RBPJ: variants seen among roughly 807,000 people sequenced by gnomAD.
RBPJ encodes the protein recombining binding protein suppressor of hairless.
A neutral mutation model predicts 67.8 loss-of-function variants in RBPJ; 9 were observed. That is an observed-to-expected ratio of 0.13 (90% CI 0.08 to 0.23). RBPJ has a LOEUF of 0.23. Ranked by LOEUF, RBPJ falls within the 10% of genes least tolerant of loss-of-function variation. The probability of loss-of-function intolerance (pLI) is 1.00; values close to 1 mark genes in which losing one functional copy is unlikely to be tolerated. For synonymous variants in RBPJ, 198 were observed against 203.3 expected (o/e 0.97, Z 0.22); for missense variants, 305 against 595.6 (o/e 0.51, Z 5.08).
the RBPJ span, among the ~76,000 whole-genome samples, chr4:26,153,334 G>A: frequency 6.2e-3 from 943 of 152,332 alleles, 4 homozygotes; most frequent in Middle Eastern, 0.01. Context: ...AAAAAATAGA[G>A]TGTTCAGGGT....
intron 1 of RBPJ, among the ~76,000 whole-genome samples, chr4:26,365,109 T>TTA (rs1483101544): frequency 2.0e-5 from 3 of 150,500 alleles, no homozygotes; most frequent in Non-Finnish European, 2.9e-5. Flanking sequence ...ATATAGATAA[T>TTA]TATATATATA....
intron 1 of RBPJ, among the ~76,000 whole-genome samples, chr4:26,376,701 A>G (rs890745596): frequency 1.3e-5 from 2 of 152,202 alleles, no homozygotes; most frequent in Admixed American, 6.5e-5. Flanking sequence ...TTGAGGAACC[A>G]TACTGTTTTC....
chr4:26,270,872 C>A (rs1402910294), intron 1 of RBPJ, among the ~76,000 whole-genome samples: 1 of 151,968 alleles, frequency 6.6e-6, no homozygotes, highest in Non-Finnish European at 1.5e-5. Flanking sequence ...ATCCGCCTCC[C>A]CCCCACCCTT....
intron 1 of RBPJ, chr4:26,367,902 T>C (rs1385516499): frequency 6.6e-6 from 1 of 152,244 alleles, no homozygotes; most frequent in South Asian, 2.1e-4. Flanking sequence ...AGACTTCTGG[T>C]AAATTGTTTC....
intron 2 of RBPJ, among the ~76,000 whole-genome samples, chr4:26,399,799 C>T (rs971246175): frequency 2.0e-5 from 3 of 152,086 alleles, no homozygotes; most frequent in Non-Finnish European, 4.4e-5. Flanking sequence ...AATTCCCTGC[C>T]TCCTGAGTAG....
At chr4:26,310,571 C>T (rs568877571) in intron 1 of RBPJ, among the ~76,000 whole-genome samples, 28 of 150,074 alleles carry the variant, frequency 1.9e-4, no homozygotes, top group African/African-American at 6.6e-4. Context: ...AATTAAATAA[C>T]AAAAATAATA....
rs1736521518 is a variant in RBPJ, at chr4:26,434,744, T to A, written c.*3737T>A. Reference sequence around the variant, plus strand: ...TCTACGCATTCAGTCCTTAAGGGGTTTATTTTACAAACTGTGCGCCTGTAA... The same window carrying A: ...TCTACGCATTCAGTCCTTAAGGGGTATATTTTACAAACTGTGCGCCTGTAA... On this transcript the variant is annotated 3_prime_UTR_variant, in exon 11 of 11. Coordinates refer to ENST00000355476, the MANE Select transcript of RBPJ (RefSeq NM_015874.6). 6.6e-6 allele frequency: 1 copy of A among 152,234 alleles called. No individual in the cohort carries two copies. Among genetic ancestry groups the A allele is most frequent in the Admixed American group, 6.5e-5 (1 of 15,288 alleles). The allele number at this position is 152,234 out of a possible 1,614,324, so 9.4% of individuals were successfully genotyped here.
intron 1 of RBPJ, among the ~76,000 whole-genome samples, chr4:26,199,310 G>A (rs10005063): frequency 0.54 from 82,448 of 151,996 alleles, 22,669 homozygotes; most frequent in East Asian, 0.69. Context: ...TGGGCATGGT[G>A]GTGTGCGCCT....
chr4:26,160,462 A>G (rs1378364494), upstream of RBPJ, among the ~76,000 whole-genome samples: 1 of 151,616 alleles, frequency 6.6e-6, no homozygotes, highest in Non-Finnish European at 1.5e-5. Context: ...TACCCACAAA[A>G]CTCTTTTTTT....
At chr4:26,267,048 T>G (rs774120931) in intron 1 of RBPJ, among the ~76,000 whole-genome samples, 28 of 152,206 alleles carry the variant, frequency 1.8e-4, no homozygotes, top group Admixed American at 7.9e-4. Context: ...ATGCAGATGA[T>G]TGATAAGTTG....
chr4:26,295,576 A>G (rs1447385952), intron 1 of RBPJ, among the ~76,000 whole-genome samples: 1 of 152,114 alleles, frequency 6.6e-6, no homozygotes, highest in East Asian at 1.9e-4. Context: ...AGAAGAGAGG[A>G]AAGAATGGGT....
chr4:26,185,888 A>C (rs1717232120), intron 1 of RBPJ, among the ~76,000 whole-genome samples: 1 of 152,190 alleles, frequency 6.6e-6, no homozygotes, highest in Non-Finnish European at 1.5e-5. Flanking sequence ...TCTACTGAAA[A>C]TACAAAAATT....
chr4:26,223,793 TC>T (rs951720872), intron 1 of RBPJ, among the ~76,000 whole-genome samples: 1 of 151,492 alleles, frequency 6.6e-6, no homozygotes, highest in African/African-American at 2.4e-5. Context: ...CAGGAGAGAG[TC>T]CGGGCTGAGA....
the RBPJ span, among the ~76,000 whole-genome samples, chr4:26,114,560 C>T: frequency 1.3e-5 from 2 of 150,010 alleles, no homozygotes; most frequent in African/African-American, 4.9e-5. Context: ...GCTAATGTAG[C>T]AAATTTTGGT....
At chr4:26,236,018 G>A (rs902863155) in intron 1 of RBPJ, among the ~76,000 whole-genome samples, 23 of 152,168 alleles carry the variant, frequency 1.5e-4, no homozygotes, top group African/African-American at 5.6e-4. Flanking sequence ...ACTCTCTAAG[G>A]AGCTGAAGTT....
chr4:26,200,847 T>C (rs927800922), intron 1 of RBPJ, among the ~76,000 whole-genome samples: 1 of 152,102 alleles, frequency 6.6e-6, no homozygotes, highest in Admixed American at 6.5e-5. Context: ...AGTTCCTGTA[T>C]TTCACCCCTT....
At chr4:26,121,979 T>C in the RBPJ span, among the ~76,000 whole-genome samples, 1 of 151,536 alleles carries the variant, frequency 6.6e-6, no homozygotes, top group African/African-American at 2.4e-5. Context: ...TTGTTGACCT[T>C]GAACTTCTTC....
chr4:26,175,380 G>C (rs577604400), intron 1 of RBPJ, among the ~76,000 whole-genome samples: 8 of 152,186 alleles, frequency 5.3e-5, no homozygotes, highest in Admixed American at 3.3e-4. Context: ...CTTGAGCTGG[G>C]GGGGGGATTT....
In RBPJ at chr4:26,290,719, G is replaced by A. The variant is rs866499978; in HGVS notation, c.-166-71727G>A. 1.9e-4 allele frequency among the ~76,000 whole-genome samples: 28 copies of A among 150,780 alleles called. 2 individuals are homozygous for A. Among genetic ancestry groups the A allele is most frequent in the African/African-American group, 2.2e-4 (9 of 40,966 alleles). On this transcript the variant is annotated intron_variant, in intron 1 of 4. Coordinates refer to the RBPJ transcript ENST00000512351. ...ATAACATGCCTTCTTTTAAGCACTC[G>A]AGTTTTGTTAGGTTCTCTCCAGTTG... is the stretch of plus-strand genomic sequence containing the variant.
Sources: gnomAD v4.1 joint callset for allele counts (sites outside exome capture counted in the v4.1 genomes callset) on GRCh38, gnomAD v4.1.1 for gene constraint, MANE v1.5 for transcripts, NCBI Gene and HGNC (gene_info 2026-07-23, HGNC 2026-07-21) for gene names.